Variants in LIMCH1 observed in about 807,000 individuals in gnomAD.
The protein encoded by LIMCH1 is LIM and calponin homology domains-containing protein 1.
A neutral mutation model predicts 176.5 loss-of-function variants in LIMCH1; 113 were observed. The ratio of observed to expected loss-of-function variants is 0.64; its 90% CI spans 0.55 to 0.75. The LOEUF (loss-of-function observed/expected upper bound fraction) is 0.75, where lower values mean the gene tolerates loss of function less well. LIMCH1 is among the 30% of genes least tolerant of loss of function. The pLI, the probability that LIMCH1 is intolerant of heterozygous loss-of-function variation, is 0.00. For synonymous variants in LIMCH1, 619 were observed against 645.9 expected (o/e 0.96, Z 0.63); for missense variants, 1,674 against 1,814.9 (o/e 0.92, Z 1.41).
intron 1 of LIMCH1, among the ~76,000 whole-genome samples, chr4:41,450,199 A>T (rs2063717866): frequency 6.6e-6 from 1 of 152,190 alleles, no homozygotes; most frequent in South Asian, 2.1e-4. Flanking sequence ...GAGATTTGAT[A>T]CACTTATAAT....
chr4:41,597,936 C>T lies in LIMCH1; in HGVS notation c.-240-984C>T, dbSNP rs918032128. Reference sequence around the variant, plus strand: ...TCTCTGTTCACTAAGTTGAATTGCACGTGGGTGAATACGTGATTCTGTAAT... The same window carrying T: ...TCTCTGTTCACTAAGTTGAATTGCATGTGGGTGAATACGTGATTCTGTAAT... On this transcript the variant is annotated intron_variant, in intron 1 of 31. Transcript: ENST00000503057. Among the ~76,000 whole-genome samples the T allele has an allele frequency of 3.3e-5, 5 of 152,270 alleles. No homozygotes were observed. The South Asian group carries it at 6.2e-4, about 19-fold the overall frequency.
At chr4:41,595,775 C>CA in intron 1 of LIMCH1, among the ~76,000 whole-genome samples, 1 of 152,078 alleles carries the variant, frequency 6.6e-6, no homozygotes. Flanking sequence ...AAGAATTCAT[C>CA]AACTGGACAT....
intron 1 of LIMCH1, among the ~76,000 whole-genome samples, chr4:41,470,907 C>T (rs193247088): frequency 5.5e-4 from 84 of 151,708 alleles, no homozygotes; most frequent in African/African-American, 2.0e-3. Context: ...GAAAGAGAGG[C>T]GATTCTTATG....
chr4:41,361,376 C>G (rs2052016394), intron 1 of LIMCH1, among the ~76,000 whole-genome samples: 1 of 152,352 alleles, frequency 6.6e-6, no homozygotes, highest in African/African-American at 2.4e-5. Context: ...CGCCCCTTGT[C>G]CCCCTACCCC....
intron 1 of LIMCH1, among the ~76,000 whole-genome samples, chr4:41,407,714 G>A (rs982178235): frequency 1.3e-5 from 2 of 152,070 alleles, no homozygotes; most frequent in East Asian, 1.9e-4. Context: ...ATCCCATAGC[G>A]ACCACCTGCC....
chr4:41,535,081 G>A (rs759005493), upstream of LIMCH1, among the ~76,000 whole-genome samples: 5 of 150,662 alleles, frequency 3.3e-5, no homozygotes. Context: ...AGAATCACCT[G>A]GGCCTGGGAA....
chr4:41,360,833 C>T lies in LIMCH1; in HGVS notation c.-8C>T. ...TCCCGGCGCTTGAGAGGACGCGGGG[C>T]TGCGCAAATGGCTTGTCCCGCTCTC... On this transcript the variant is annotated 5_prime_UTR_variant, in exon 1 of 27. Coordinates refer to the LIMCH1 transcript ENST00000313860. This position sits in a 1 kb window ranked among gnomAD's most constrained non-coding sequence, Gnocchi z 4.5. 14 of 1,546,746 alleles carry T rather than the reference C, an allele frequency of 9.1e-6. No individual in the cohort carries two copies. Among genetic ancestry groups the T allele is most frequent in the African/African-American group, 1.4e-5 (1 of 71,740 alleles).
chr4:41,509,231 G>T (rs1254152064), intron 2 of LIMCH1, among the ~76,000 whole-genome samples: 2 of 152,124 alleles, frequency 1.3e-5, no homozygotes, highest in African/African-American at 2.4e-5. Context: ...GCTTTGTTCA[G>T]TATTCACAAA....
At chr4:41,552,025 A>G (rs895892362) in intron 1 of LIMCH1, among the ~76,000 whole-genome samples, 3 of 152,194 alleles carry the variant, frequency 2.0e-5, no homozygotes, top group Non-Finnish European at 2.9e-5. Flanking sequence ...AGGCCTCACA[A>G]TCATGGCAGA....
rs995807476 is a variant in LIMCH1, at chr4:41,546,836, T to C, written c.-241+8486T>C. 8.1e-4 allele frequency among the ~76,000 whole-genome samples: 123 copies of C among 151,812 alleles called. 1 individual carries two copies. The highest frequency in any genetic ancestry group is 2.9e-4 in the Non-Finnish European group (20 of 67,956). ...CAAGGATTCCACATACCTACATATA[T>C]ATATGGAGAGAGAGAGAGACAAGCG... is the stretch of plus-strand genomic sequence containing the variant. On this transcript the variant is annotated intron_variant, in intron 1 of 31. Transcript: ENST00000503057.
intron 3 of LIMCH1, among the ~76,000 whole-genome samples, chr4:41,605,595 A>T (rs1009122648): frequency 5.3e-5 from 8 of 152,182 alleles, no homozygotes; most frequent in Non-Finnish European, 1.2e-4. Flanking sequence ...CATAAAAGAT[A>T]ATGTGGGTAG....
At chr4:41,689,876 A>ACAAAACTATAT (rs1257589578) in intron 30 of LIMCH1, 11 of 368,678 alleles carry the variant, frequency 3.0e-5, no homozygotes, top group African/African-American at 2.2e-4. Flanking sequence ...TTGTTGCTAA[A>ACAAAACTATAT]GAACATATAC....
rs183042010 is a variant in LIMCH1 at position 41,585,644 on chromosome 4, A to C, written c.-240-13276A>C. Among the ~76,000 whole-genome samples, 3 of 152,200 alleles carry C rather than the reference A, an allele frequency of 2.0e-5. No individual in the cohort carries two copies. The East Asian group carries it at 5.8e-4, about 29-fold the overall frequency. ...TTCCATAGCAGTTACACCATTTTAC[A>C]TTCTCACCAGCAATGCACAGTGGTT... is the stretch of plus-strand genomic sequence containing the variant. On this transcript the variant is annotated intron_variant, in intron 1 of 31. Coordinates refer to ENST00000503057, the MANE Select transcript of LIMCH1 (RefSeq NM_001330672.2).
intron 1 of LIMCH1, among the ~76,000 whole-genome samples, chr4:41,437,365 G>C (rs2062188047): frequency 6.6e-6 from 1 of 152,236 alleles, no homozygotes; most frequent in Non-Finnish European, 1.5e-5. Flanking sequence ...GGGCTTTCCT[G>C]TTTTTAGCCA....
intron 1 of LIMCH1, among the ~76,000 whole-genome samples, chr4:41,451,408 G>C (rs895334474): frequency 3.3e-5 from 5 of 151,998 alleles, no homozygotes; most frequent in African/African-American, 9.7e-5. Context: ...TTACAGGCAT[G>C]AGCCACCGTG....
intron 1 of LIMCH1, among the ~76,000 whole-genome samples, chr4:41,472,082 G>A (rs1397898159): frequency 6.6e-6 from 1 of 152,228 alleles, no homozygotes; most frequent in African/African-American, 2.4e-5. Flanking sequence ...AGGTAGTGTT[G>A]TGTGGGTAGT....
Position 41,662,716 on chromosome 4 carries a change from C to T in LIMCH1, c.3128-105C>T, listed in dbSNP as rs553494644. 34 of 1,186,142 alleles carry T rather than the reference C, an allele frequency of 2.9e-5. No individual in the cohort carries two copies. The South Asian group carries it at 3.3e-4, about 11-fold the overall frequency. The allele number at this position is 1,186,142 out of a possible 1,614,324, so 73.5% of individuals were successfully genotyped here. A position where few individuals can be genotyped will look rare whatever the true frequency, so the allele number is the denominator to read the frequency against. Reference sequence around the variant, plus strand: ...TGTCATTCAGCTTATATTGCCAGGACGGGATATGGACTGAATGTACTTCAT... The same window carrying T: ...TGTCATTCAGCTTATATTGCCAGGATGGGATATGGACTGAATGTACTTCAT... On this transcript the variant is annotated intron_variant, in intron 19 of 31. Transcript: ENST00000503057.
chr4:41,465,218 C>T (rs1036251884), intron 1 of LIMCH1, among the ~76,000 whole-genome samples: 1 of 152,080 alleles, frequency 6.6e-6, no homozygotes, highest in Non-Finnish European at 1.5e-5. Flanking sequence ...CCTGTGCTGC[C>T]ATTTGTTGCC....
chr4:41,670,644 G>A (rs2094982387), intron 21 of LIMCH1: 2 of 1,099,384 alleles, frequency 1.8e-6, no homozygotes, highest in African/African-American at 3.1e-5. Flanking sequence ...ATAGTACTTG[G>A]GAGCATGGTT....
Sources: gnomAD v4.1 joint callset for allele counts (sites outside exome capture counted in the v4.1 genomes callset) on GRCh38, gnomAD v4.1.1 for gene constraint, Gnocchi (gnomAD v3.1) non-coding constraint, MANE v1.5 for transcripts, NCBI Gene and HGNC (gene_info 2026-07-23, HGNC 2026-07-21) for gene names.